The following SLC7A1 variants were observed in gnomAD, a reference collection of about 807,000 sequenced individuals.
SLC7A1 encodes solute carrier family 7 member 1.
Under a neutral mutation model 53.9 loss-of-function variants are expected in SLC7A1, and 10 were observed. The observed-to-expected ratio is 0.19, with a 90% CI of 0.11 to 0.31. The LOEUF is 0.31. Among genes scored for constraint, SLC7A1 ranks in the 10% least tolerant of loss-of-function variants. The pLI, the probability that SLC7A1 is intolerant of heterozygous loss-of-function variation, is 1.00. For synonymous variants in SLC7A1, 342 were observed against 338.7 expected (o/e 1.01, Z -0.11); for missense variants, 525 against 827.2 (o/e 0.63, Z 4.48).
At chr13:29,537,417 A>G (rs1425410421) in intron 2 of SLC7A1, among the ~76,000 whole-genome samples, 1 of 152,220 alleles carries the variant, frequency 6.6e-6, no homozygotes, top group African/African-American at 2.4e-5. Context: ...AAAACTAGGA[A>G]AGTCTGAGAA....
intron 5 of SLC7A1, among the ~76,000 whole-genome samples, chr13:29,526,137 G>A (rs1868876328): frequency 6.6e-6 from 1 of 152,198 alleles, no homozygotes; most frequent in Non-Finnish European, 1.5e-5. Context: ...GACGGGCAGT[G>A]AAAAGCCCCC....
At chr13:29,575,517 A>G (rs1871374592) in intron 1 of SLC7A1, among the ~76,000 whole-genome samples, 1 of 152,232 alleles carries the variant, frequency 6.6e-6, no homozygotes, top group Non-Finnish European at 1.5e-5. Flanking sequence ...ACAAACTTAA[A>G]TAAGAGTCTG....
At chr13:29,525,921 CG>C (rs1868867061) in intron 5 of SLC7A1, among the ~76,000 whole-genome samples, 1 of 152,246 alleles carries the variant, frequency 6.6e-6, no homozygotes, top group Non-Finnish European at 1.5e-5. Flanking sequence ...CAAATCCCCT[CG>C]CCTCTCAGGC....
At chr13:29,560,642 C>T (rs1444733936) in intron 1 of SLC7A1, among the ~76,000 whole-genome samples, 1 of 151,998 alleles carries the variant, frequency 6.6e-6, no homozygotes. Context: ...GTCTGTTAAC[C>T]CCAGCACCAC....
At chr13:29,567,753 G>A (rs1000066098) in intron 1 of SLC7A1, among the ~76,000 whole-genome samples, 5 of 152,148 alleles carry the variant, frequency 3.3e-5, no homozygotes, top group Admixed American at 2.0e-4. Flanking sequence ...AGGAGCTCGG[G>A]AGAGCAGCAC....
chr13:29,547,957 G>A (rs754643726), intron 2 of SLC7A1, among the ~76,000 whole-genome samples: 1 of 152,242 alleles, frequency 6.6e-6, no homozygotes, highest in South Asian at 2.1e-4. Context: ...AATGCTGTAA[G>A]TGACAGCCAC....
chr13:29,530,491 T>C (rs770035301), intron 5 of SLC7A1, 47 bp downstream of exon 5: 1 of 1,550,556 alleles, frequency 6.4e-7, no homozygotes, highest in Non-Finnish European at 8.9e-7. Context: ...ATACAATCTA[T>C]GTCATTAAAT....
chr13:29,514,417 C>T lies in SLC7A1; in HGVS notation c.*63G>A. On this transcript the variant is annotated 3_prime_UTR_variant, in exon 13 of 13. Coordinates refer to ENST00000380752, the MANE Select transcript of SLC7A1 (RefSeq NM_003045.5). Reference sequence around the variant, plus strand: ...TTGCACTGGTGGGGAGGGTGGGGTGCCTCCCGGTCCTCTGGGGGCGTCCCT... The same window carrying T: ...TTGCACTGGTGGGGAGGGTGGGGTGTCTCCCGGTCCTCTGGGGGCGTCCCT... The T allele has an allele frequency of 3.3e-6, 4 of 1,222,348 alleles. No individual in the cohort carries two copies. The highest frequency in any genetic ancestry group is 4.7e-6 in the Non-Finnish European group (4 of 844,562). 75.7% of individuals were successfully genotyped at this position (1,222,348 alleles called of 1,614,324 possible). A position where few individuals can be genotyped will look rare whatever the true frequency, so the allele number is the denominator to read the frequency against.
In SLC7A1 at chr13:29,517,749, C is replaced by T. The variant is rs1416701172; in HGVS notation, c.1334G>A (p.Ser445Asn). ...TGCTGGATCTAACTCGTCGGAAGTA[C>T]TGGCCATCTGGTATACCAGGTTAGG... is the stretch of plus-strand genomic sequence containing the variant. ...EQPNLVYQMA[S>N]TSDELDPADQ... The change falls in exon 10 of 13, where the codon AGT becomes AAT. Residue 445 changes from serine to asparagine, a missense_variant. Physicochemically the swap from Ser to Asn is conservative, Grantham distance 46 (BLOSUM62 1). Around this residue, in one of 4 missense-constraint regions of SLC7A1, gnomAD observed 122 missense variants for 140.9 expected, o/e 0.87. Coordinates refer to ENST00000380752, the MANE Select transcript of SLC7A1 (RefSeq NM_003045.5). 10 of 1,614,092 alleles carry T rather than the reference C, an allele frequency of 6.2e-6. No homozygotes were observed. The highest frequency in any genetic ancestry group is 2.7e-5 in the African/African-American group (2 of 74,928).
intron 5 of SLC7A1, among the ~76,000 whole-genome samples, chr13:29,525,943 G>T (rs1007759208): frequency 6.6e-6 from 1 of 152,184 alleles, no homozygotes; most frequent in Non-Finnish European, 1.5e-5. Context: ...CAGAGGCCCC[G>T]CCGGCCACCC....
chr13:29,517,708 C>G lies in SLC7A1; in HGVS notation c.1375G>C (p.Ala459Pro). ...CCCAGCTGGGAATCATTGGTGCTTG[C>G]CAATTCATTTTGGTCTGCTGGATCT... ...ELDPADQNEL[A>P]STNDSQLGFL... The change falls in exon 10 of 13, where the codon GCA (alanine) becomes CCA (proline). Residue 459 changes from alanine to proline, a missense_variant. Around this residue, in one of 4 missense-constraint regions of SLC7A1, gnomAD observed 122 missense variants for 140.9 expected, o/e 0.87. Coordinates refer to ENST00000380752, the MANE Select transcript of SLC7A1 (RefSeq NM_003045.5). The G allele has an allele frequency of 1.9e-6, 3 of 1,614,184 alleles. No individual in the cohort carries two copies. Among genetic ancestry groups the G allele is most frequent in the Non-Finnish European group, 1.7e-6 (2 of 1,180,024 alleles).
chr13:29,563,106 G>A (rs559520135), intron 1 of SLC7A1, among the ~76,000 whole-genome samples: 67 of 152,330 alleles, frequency 4.4e-4, no homozygotes, highest in Non-Finnish European at 6.3e-4. Context: ...GGACAGAGTC[G>A]GGGGCTGCAG....
intron 1 of SLC7A1, among the ~76,000 whole-genome samples, chr13:29,591,994 G>A (rs1286543112): frequency 6.6e-6 from 1 of 152,184 alleles, no homozygotes; most frequent in East Asian, 1.9e-4. Flanking sequence ...GGCTGAGAGG[G>A]ACAGGCTCTC....
chr13:29,593,844 A>G (rs1254979030), intron 1 of SLC7A1, among the ~76,000 whole-genome samples: 1 of 152,110 alleles, frequency 6.6e-6, no homozygotes, highest in Non-Finnish European at 1.5e-5. Flanking sequence ...AAGGGAGTAC[A>G]TTTCTGATCT....
At chr13:29,578,110 C>T (rs1050835676) in intron 1 of SLC7A1, among the ~76,000 whole-genome samples, 2 of 152,102 alleles carry the variant, frequency 1.3e-5, no homozygotes, top group African/African-American at 4.8e-5. Context: ...TTCTTACTCT[C>T]ATTTTCGGGA....
At chr13:29,586,778 A>T (rs901587860) in intron 1 of SLC7A1, 1 of 152,274 alleles carries the variant, frequency 6.6e-6, no homozygotes, top group Non-Finnish European at 1.5e-5. Flanking sequence ...TCACATCCAC[A>T]CCACTGGCCA....
At chr13:29,594,377 G>A (rs1872222460) in intron 1 of SLC7A1, among the ~76,000 whole-genome samples, 1 of 152,232 alleles carries the variant, frequency 6.6e-6, no homozygotes, top group African/African-American at 2.4e-5. Context: ...GTGAGTATTG[G>A]GAAATGTAGG....
intron 9 of SLC7A1, among the ~76,000 whole-genome samples, 163 bp downstream of exon 9, chr13:29,519,284 T>A (rs1463987042): frequency 6.6e-6 from 1 of 152,170 alleles, no homozygotes; most frequent in Non-Finnish European, 1.5e-5. Context: ...GACGTCCTCC[T>A]AACTGGGCTC....
At chr13:29,589,831 C>T (rs1872034457) in intron 1 of SLC7A1, among the ~76,000 whole-genome samples, 1 of 152,202 alleles carries the variant, frequency 6.6e-6, no homozygotes, top group South Asian at 2.1e-4. Flanking sequence ...CCACTGACTG[C>T]CTACCTGTGT....
Sources: gnomAD v4.1 joint callset for allele counts (sites outside exome capture counted in the v4.1 genomes callset) on GRCh38, gnomAD v4.1.1 for gene constraint, gnomAD v4.1.1 regional missense constraint, MANE v1.5 for transcripts, NCBI Gene and HGNC (gene_info 2026-07-23, HGNC 2026-07-21) for gene names.